ACSS3: variants seen among roughly 807,000 people sequenced by gnomAD.
ACSS3 encodes acyl-CoA synthetase short-chain family member 3, mitochondrial.
Under a neutral mutation model 84.2 loss-of-function variants are expected in ACSS3, and 64 were observed. The observed-to-expected ratio is 0.76, with a 90% CI of 0.62 to 0.94. The LOEUF is 0.94. Among genes scored for constraint, ACSS3 ranks in the 40% least tolerant of loss-of-function variants. ACSS3 has a pLI of 0.00. For missense variants in ACSS3, 815 were observed against 867.6 expected (o/e 0.94, Z 0.76); for synonymous variants, 317 against 310.1 (o/e 1.02, Z -0.23).
chr12:81,250,531 C>T (rs946766703), intron 13 of ACSS3, among the ~76,000 whole-genome samples: 1 of 151,962 alleles, frequency 6.6e-6, no homozygotes, highest in Non-Finnish European at 1.5e-5. Context: ...CTTCTAAAAG[C>T]ACTAAGACTA....
In ACSS3 at chr12:81,152,471, ATGT is replaced by A. The variant is rs1427233839; in HGVS notation, c.1098+379_1098+381del. On this transcript the variant is annotated intron_variant, in intron 7 of 15. Coordinates refer to ENST00000548058, the MANE Select transcript of ACSS3 (RefSeq NM_024560.4). The stretch of plus-strand genomic sequence containing the variant: ...ATAGGATTAATGGATTTCCAAAGTC[ATGT>A]TGTCTCAATTTTAAATAAATACTTT... Among the ~76,000 whole-genome samples, 9 of 152,286 alleles carry A rather than the reference ATGT, an allele frequency of 5.9e-5. No homozygotes were observed. In the East Asian group the frequency reaches 1.5e-3, roughly 26 times the overall value.
chr12:81,149,530 A>T (rs1015276409), intron 5 of ACSS3, among the ~76,000 whole-genome samples: 3 of 152,182 alleles, frequency 2.0e-5, no homozygotes, highest in African/African-American at 7.2e-5. Context: ...ACCATATCAA[A>T]TACTCAGAAA....
intron 13 of ACSS3, among the ~76,000 whole-genome samples, chr12:81,247,911 A>G (rs751945883): frequency 1.7e-4 from 26 of 152,122 alleles, no homozygotes; most frequent in Non-Finnish European, 1.8e-4. Flanking sequence ...TAATCCAATG[A>G]AAGTTTTATT....
rs1170715160 is a variant in ACSS3, at chr12:81,078,368, A to T, written c.248A>T (p.Gln83Leu). 3 of 1,612,534 alleles carry T rather than the reference A, an allele frequency of 1.9e-6. No homozygotes were observed. The highest frequency in any genetic ancestry group is 2.5e-6 in the Non-Finnish European group (3 of 1,179,954). The change falls in exon 1 of 16, where the codon CAG (glutamine) becomes CTG (leucine). Residue 83 changes from glutamine to leucine, a missense_variant. Gln to Leu is a moderately radical substitution (Grantham distance 113). Coordinates refer to ENST00000548058, the MANE Select transcript of ACSS3 (RefSeq NM_024560.4). Reference sequence around the variant, plus strand: ...AGGTTCTGGGGCAAAGCTGCCGAGCAGATCAGCTGGTACAAGCCCTGGACC... The same window carrying T: ...AGGTTCTGGGGCAAAGCTGCCGAGCTGATCAGCTGGTACAAGCCCTGGACC... Reference protein sequence around the residue: ...PERFWGKAAEQISWYKPWTKT... With the variant: ...PERFWGKAAELISWYKPWTKT...
Position 81,260,224 on chromosome 12 carries a change from A to T in ACSS3, c.*5302A>T, listed in dbSNP as rs1354826542. 1 of 152,204 alleles carries T rather than the reference A, an allele frequency of 6.6e-6. No homozygotes were observed. Among genetic ancestry groups the T allele is most frequent in the Non-Finnish European group, 1.5e-5 (1 of 68,034 alleles). 9.4% of individuals were successfully genotyped at this position (152,204 alleles called of 1,614,324 possible). On this transcript the variant is annotated 3_prime_UTR_variant, in exon 16 of 16. Transcript: ENST00000548058. ...TGCTCTGGATTATTTTAATATCAAAAGTGTTGTTGTTTCACCCAAACAAAA... is the reference window on the plus strand; with the variant it reads ...TGCTCTGGATTATTTTAATATCAAATGTGTTGTTGTTTCACCCAAACAAAA...
In ACSS3 at chr12:81,260,138, T is replaced by C. The variant is rs1465116073; in HGVS notation, c.*5216T>C. 6.6e-6 allele frequency: 1 copy of C among 152,444 alleles called. No individual in the cohort carries two copies. Among genetic ancestry groups the C allele is most frequent in the Non-Finnish European group, 1.5e-5 (1 of 68,226 alleles). 9.4% of individuals were successfully genotyped at this position (152,444 alleles called of 1,614,324 possible). On this transcript the variant is annotated 3_prime_UTR_variant, in exon 16 of 16. Transcript: ENST00000548058. ...TGGCATTGCTGATTGTTTTCAGCCA[T>C]AATGTACTTAGAAAAAGCTCACAAT...
chr12:81,246,478 A>G (rs74103940), intron 13 of ACSS3, among the ~76,000 whole-genome samples: 2,171 of 152,284 alleles, frequency 0.014, 55 homozygotes, highest in African/African-American at 0.05. Flanking sequence ...CAGATTATAC[A>G]GAAAGTAAAG....
chr12:81,194,955 A>G (rs913398932), intron 8 of ACSS3, among the ~76,000 whole-genome samples: 8 of 151,970 alleles, frequency 5.3e-5, no homozygotes, highest in Non-Finnish European at 1.0e-4. Flanking sequence ...TTTTTAGTTG[A>G]CAATGTTGTA....
intron 7 of ACSS3, among the ~76,000 whole-genome samples, chr12:81,162,086 C>T (rs139787962): frequency 2.8e-4 from 43 of 152,288 alleles, no homozygotes; most frequent in African/African-American, 9.4e-4. Flanking sequence ...TGTTTCAGCC[C>T]TGTTTGTGCT....
intron 13 of ACSS3, among the ~76,000 whole-genome samples, chr12:81,246,414 T>C (rs139181699): frequency 9.8e-5 from 15 of 152,310 alleles, no homozygotes; most frequent in African/African-American, 2.6e-4. Context: ...TTAGGGCTTT[T>C]TCTGTCTGTA....
In ACSS3 at chr12:81,087,718, A is replaced by G. The variant is rs141705456; in HGVS notation, c.311+9287A>G. 1.3e-4 allele frequency among the ~76,000 whole-genome samples: 20 copies of G among 152,194 alleles called. 1 individual carries two copies. The East Asian group carries it at 3.9e-3, about 29-fold the overall frequency. ...AATTGAGAGGCAAGTATTTTTCTAT[A>G]ATAAACCACAAATACCTAGACTGTG... is the stretch of plus-strand genomic sequence containing the variant. On this transcript the variant is annotated intron_variant, in intron 1 of 15. Coordinates refer to ENST00000548058, the MANE Select transcript of ACSS3 (RefSeq NM_024560.4).
At chr12:81,172,221 C>T (rs538247346) in intron 7 of ACSS3, among the ~76,000 whole-genome samples, 2 of 133,316 alleles carry the variant, frequency 1.5e-5, no homozygotes, top group African/African-American at 5.6e-5. Flanking sequence ...AGCCAAGATC[C>T]TGCCACTGCA....
chr12:81,231,870 A>AC (rs1297248218), intron 12 of ACSS3, among the ~76,000 whole-genome samples: 12 of 115,356 alleles, frequency 1.0e-4, no homozygotes, highest in African/African-American at 4.0e-4. Context: ...ACCACCCCCC[A>AC]CCCCCACCGC....
intron 13 of ACSS3, among the ~76,000 whole-genome samples, chr12:81,247,004 T>C (rs1185677320): frequency 6.6e-6 from 1 of 152,188 alleles, no homozygotes; most frequent in East Asian, 1.9e-4. Context: ...TTAATACTTC[T>C]TGTCATGTTG....
At chr12:81,145,919 A>C (rs1593125260) in intron 5 of ACSS3, among the ~76,000 whole-genome samples, 1 of 152,154 alleles carries the variant, frequency 6.6e-6, no homozygotes, top group Non-Finnish European at 1.5e-5. Context: ...CAAAGTTAAC[A>C]CATACAGAAT....
chr12:81,221,724 A>G (rs2033116721), intron 11 of ACSS3, among the ~76,000 whole-genome samples: 1 of 152,122 alleles, frequency 6.6e-6, no homozygotes. Flanking sequence ...GACCTGTTCA[A>G]GGGAAAAGCA....
intron 2 of ACSS3, among the ~76,000 whole-genome samples, chr12:81,111,137 A>T (rs1883545643): frequency 6.6e-6 from 1 of 152,148 alleles, no homozygotes; most frequent in Non-Finnish European, 1.5e-5. Flanking sequence ...ATAAAAAAAG[A>T]CCTTATGAAA....
At chr12:81,135,710 A>G (rs556203063) in intron 3 of ACSS3, among the ~76,000 whole-genome samples, 2 of 152,028 alleles carry the variant, frequency 1.3e-5, no homozygotes, top group South Asian at 2.1e-4. Flanking sequence ...AAAACTACCT[A>G]TTGGATACAA....
chr12:81,133,162 C>G (rs1410230173), intron 2 of ACSS3, among the ~76,000 whole-genome samples: 3 of 151,842 alleles, frequency 2.0e-5, no homozygotes, highest in Non-Finnish European at 4.4e-5. Context: ...TTAACCTTCA[C>G]CACACCTGTC....
Sources: gnomAD v4.1 joint callset for allele counts (sites outside exome capture counted in the v4.1 genomes callset) on GRCh38, gnomAD v4.1.1 for gene constraint, MANE v1.5 for transcripts, NCBI Gene and HGNC (gene_info 2026-07-23, HGNC 2026-07-21) for gene names.